The following DLC1 variants were observed in gnomAD, a reference collection of about 807,000 sequenced individuals.
The protein encoded by DLC1 is DLC1 Rho GTPase activating protein.
In DLC1, 54 loss-of-function variants were observed where a neutral mutation model predicts 140.3. The ratio of observed to expected loss-of-function variants is 0.38; its 90% CI spans 0.31 to 0.48. The LOEUF is 0.48. Among genes scored for constraint, DLC1 ranks in the 20% least tolerant of loss-of-function variants. DLC1 has a pLI of 0.96. For missense variants in DLC1, 2,536 were observed against 1,907.0 expected, an observed-to-expected ratio of 1.33 and a Z score of -6.14; for synonymous variants, 986 against 728.1, an observed-to-expected ratio of 1.35 and a Z score of -5.70.
At chr8:13,346,500 C>G (rs1384146539) in intron 4 of DLC1, among the ~76,000 whole-genome samples, 1 of 152,178 alleles carries the variant, frequency 6.6e-6, no homozygotes, top group Non-Finnish European at 1.5e-5. Flanking sequence ...ACCATGGTAG[C>G]TAGATTGCCA....
chr8:13,158,513 A>T (rs2128982772), intron 5 of DLC1, among the ~76,000 whole-genome samples: 1 of 152,318 alleles, frequency 6.6e-6, no homozygotes, highest in Non-Finnish European at 1.5e-5. Context: ...TGAGACAGGT[A>T]AGAGAAGAGG....
intron 1 of DLC1, among the ~76,000 whole-genome samples, chr8:13,525,095 G>T (rs1266168371): frequency 6.6e-6 from 1 of 152,156 alleles, no homozygotes; most frequent in Non-Finnish European, 1.5e-5. Flanking sequence ...GAAGTCATAT[G>T]TATGTACCTT....
chr8:13,234,305 T>G (rs954678696), intron 5 of DLC1, among the ~76,000 whole-genome samples: 3 of 152,162 alleles, frequency 2.0e-5, no homozygotes, highest in African/African-American at 7.2e-5. Context: ...AAAACAAAAC[T>G]GATAGCAGCA....
At chr8:13,285,256 A>G (rs1831498892) in intron 5 of DLC1, among the ~76,000 whole-genome samples, 1 of 152,194 alleles carries the variant, frequency 6.6e-6, no homozygotes, top group South Asian at 2.1e-4. Context: ...TTTTTTTATA[A>G]TGGTGCTAAA....
At position 13,085,936 on chromosome 8, in the gene DLC1, C is replaced by T; in HGVS notation, c.4467-5G>A. ...TACCATTCTGGCATGTGGCCCCTAT[C>T]AGAGAAAAGAAAGAAAAGCTGATGA... On this transcript the variant is annotated splice_polypyrimidine_tract_variant and splice_region_variant and intron_variant, in intron 17 of 17. Coordinates refer to ENST00000276297, the MANE Select transcript of DLC1 (RefSeq NM_182643.3). 1 of 1,611,702 alleles carries T rather than the reference C, an allele frequency of 6.2e-7. No homozygotes were observed. The highest frequency in any genetic ancestry group is 8.5e-7 in the Non-Finnish European group (1 of 1,179,408).
rs529646229 is a variant in DLC1, at chr8:13,086,126, G to A, written c.4466+164C>T. The A allele has an allele frequency of 5.0e-5, 65 of 1,311,720 alleles. No homozygotes were observed. The African/African-American group carries it at 5.7e-4, about 11-fold the overall frequency. The allele number at this position is 1,311,720 out of a possible 1,614,324, so 81.3% of individuals were successfully genotyped here. A position where few individuals can be genotyped will look rare whatever the true frequency, so the allele number is the denominator to read the frequency against. ...AAGGGAACCAAATTACGAAGTGGTC[G>A]CTGAAAGACCAACAAACATGAAATG... On this transcript the variant is annotated intron_variant, in intron 17 of 17. Coordinates refer to ENST00000276297, the MANE Select transcript of DLC1 (RefSeq NM_182643.3).
Position 13,499,462 on chromosome 8 carries a change from C to A in DLC1, c.610G>T (p.Asp204Tyr). ...CNEISLSEIK[D>Y]APKVNAVDTL... ...TCCACTGCATTTACTTTGGGTGCAT[C>A]TTTTATTTCACTTAAGCTTATTTCA... Residue 204 changes from aspartate to tyrosine, a missense_variant, in exon 2 of 18, where the codon GAT becomes TAT. Coordinates refer to ENST00000276297, the MANE Select transcript of DLC1 (RefSeq NM_182643.3). 2 of 1,614,056 alleles carry A rather than the reference C, an allele frequency of 1.2e-6. No homozygotes were observed. Among genetic ancestry groups the A allele is most frequent in the Non-Finnish European group, 1.7e-6 (2 of 1,180,016 alleles).
intron 2 of DLC1, among the ~76,000 whole-genome samples, chr8:13,468,986 A>C (rs1800081723): frequency 6.6e-6 from 1 of 151,700 alleles, no homozygotes; most frequent in Non-Finnish European, 1.5e-5. Flanking sequence ...ACGCTCAGCT[A>C]ATTTTTGTAA....
At chr8:13,597,419 C>G (rs1805719459) in intron 1 of DLC1, among the ~76,000 whole-genome samples, 1 of 151,996 alleles carries the variant, frequency 6.6e-6, no homozygotes, top group African/African-American at 2.4e-5. Flanking sequence ...TGAGTTAGTT[C>G]TAATAGCATG....
chr8:13,088,702 C>T lies in DLC1; in HGVS notation c.4077G>A (p.Val1359=), dbSNP rs1817781907. ...SEQAELSYKK[V]SEGPPLRLWR... is the part of the protein sequence containing the mutation. ...AAAGCCTCAGAGGGGGTCCTTCGCT[C>T]ACCTGGAAAGAGGATGTATTTTTCA... The change falls in exon 16 of 18, where the codon GTG becomes GTA. Residue 1359 remains valine (V), a splice_region_variant and synonymous_variant. Coordinates refer to ENST00000276297, the MANE Select transcript of DLC1 (RefSeq NM_182643.3). 1.9e-6 allele frequency: 3 copies of T among 1,613,932 alleles called. No homozygotes were observed. In the East Asian group the frequency reaches 6.7e-5, roughly 36 times the overall value.
chr8:13,361,392 C>T (rs941590257), intron 4 of DLC1, among the ~76,000 whole-genome samples: 2 of 152,036 alleles, frequency 1.3e-5, no homozygotes, highest in South Asian at 2.1e-4. Context: ...GCAGCTGGGA[C>T]TACAGGGGCA....
At chr8:13,248,770 G>C (rs991270640) in intron 5 of DLC1, among the ~76,000 whole-genome samples, 1 of 152,082 alleles carries the variant, frequency 6.6e-6, no homozygotes, top group South Asian at 2.1e-4. Context: ...TTTTACTCTT[G>C]AACACGCATT....
chr8:13,586,067 G>A (rs940343299), intron 1 of DLC1, among the ~76,000 whole-genome samples: 1 of 152,096 alleles, frequency 6.6e-6, no homozygotes, highest in Non-Finnish European at 1.5e-5. Flanking sequence ...AATTATCTTG[G>A]AAGTTTGAAA....
chr8:13,222,766 C>T (rs13250979), intron 5 of DLC1, among the ~76,000 whole-genome samples: 6,950 of 152,136 alleles, frequency 0.046, 292 homozygotes, highest in Middle Eastern at 0.075. Flanking sequence ...GGTGGGGGGA[C>T]AGGGTCTTGC....
intron 4 of DLC1, among the ~76,000 whole-genome samples, chr8:13,361,213 C>A (rs1185532764): frequency 1.3e-5 from 2 of 152,028 alleles, no homozygotes; most frequent in African/African-American, 2.4e-5. Flanking sequence ...GCCTGGGCGA[C>A]GGAGTGAGAC....
chr8:13,115,725 A>C (rs1225685233), intron 5 of DLC1, 68 bp from the exon 6 acceptor site: 2 of 1,505,188 alleles, frequency 1.3e-6, no homozygotes, highest in Non-Finnish European at 1.8e-6. Flanking sequence ...TTCCTGAATA[A>C]GCTTTCGTTT....
At chr8:13,333,405 T>G (rs1200389500) in intron 4 of DLC1, among the ~76,000 whole-genome samples, 1 of 63,488 alleles carries the variant, frequency 1.6e-5, no homozygotes, top group African/African-American at 4.6e-5. Context: ...TTTGTTTGTT[T>G]GTTTGTTTTT....
At chr8:13,456,909 C>T (rs1224008522) in intron 2 of DLC1, among the ~76,000 whole-genome samples, 1 of 152,166 alleles carries the variant, frequency 6.6e-6, no homozygotes, top group Non-Finnish European at 1.5e-5. Flanking sequence ...TGGAGAAAAT[C>T]AATTAAATCG....
At position 13,235,819 on chromosome 8, in the gene DLC1, T is replaced by C. The variant is rs528694321; in HGVS notation, c.1348+69450A>G. On this transcript the variant is annotated intron_variant, in intron 5 of 17. Transcript: ENST00000276297. ...CACATTCAGCCATGGTGACCTTTAA[T>C]TTCTAACAGCTTTAAAAGTGTCCAT... 2.0e-5 allele frequency among the ~76,000 whole-genome samples: 3 copies of C among 152,088 alleles called. No individual in the cohort carries two copies. In the South Asian group the frequency reaches 6.2e-4, roughly 32 times the overall value.
Sources: allele counts gnomAD v4.1 joint callset (sites outside exome capture counted in the v4.1 genomes callset), GRCh38; gene constraint gnomAD v4.1.1; transcripts MANE v1.5; gene names NCBI Gene and HGNC (gene_info 2026-07-23, HGNC 2026-07-21).